The following NTN1 variants were observed in gnomAD, a reference collection of about 807,000 sequenced individuals.
The protein encoded by NTN1 is netrin-1.
In NTN1, 11 loss-of-function variants were observed where a neutral mutation model predicts 54.2. The ratio of observed to expected loss-of-function variants is 0.20; its 90% confidence interval spans 0.13 to 0.34. NTN1 has a LOEUF of 0.34. NTN1 is among the 10% of genes least tolerant of loss of function. The probability of loss-of-function intolerance (pLI) is 1.00; values close to 1 mark genes in which losing one functional copy is unlikely to be tolerated. For synonymous variants in NTN1, 371 were observed against 382.0 expected (o/e 0.97, Z 0.33); for missense variants, 740 against 893.1 (o/e 0.83, Z 2.18).
At chr17:9,213,479 TG>T (rs1905154895) in intron 5 of NTN1, among the ~76,000 whole-genome samples, 2 of 152,086 alleles carry the variant, frequency 1.3e-5, no homozygotes, top group African/African-American at 2.4e-5. Context: ...GCAGGGTGGA[TG>T]GGGTCCCAGC....
the NTN1 span, among the ~76,000 whole-genome samples, chr17:9,011,603 T>C: frequency 6.6e-6 from 1 of 152,154 alleles, no homozygotes; most frequent in Non-Finnish European, 1.5e-5. Flanking sequence ...GGGGGGCATT[T>C]TTTTTGAGAC....
intron 2 of NTN1, among the ~76,000 whole-genome samples, chr17:9,057,760 T>G (rs958779151): frequency 3.9e-5 from 6 of 152,260 alleles, no homozygotes; most frequent in Admixed American, 3.9e-4. Flanking sequence ...ACGTGGCTCC[T>G]TTAAGTGCAA....
At chr17:9,157,871 A>G (rs2092347465) in intron 2 of NTN1, among the ~76,000 whole-genome samples, 1 of 152,144 alleles carries the variant, frequency 6.6e-6, no homozygotes, top group Non-Finnish European at 1.5e-5. Context: ...GAAATCTGAT[A>G]ATGAAACTAA....
At chr17:9,089,436 A>C (rs1310875704) in intron 2 of NTN1, among the ~76,000 whole-genome samples, 1 of 151,736 alleles carries the variant, frequency 6.6e-6, no homozygotes, top group Non-Finnish European at 1.5e-5. Flanking sequence ...AAAATTAAGG[A>C]CATATGTTTT....
At chr17:9,159,303 A>C (rs1239501619) in intron 2 of NTN1, among the ~76,000 whole-genome samples, 2 of 152,252 alleles carry the variant, frequency 1.3e-5, no homozygotes, top group Non-Finnish European at 2.9e-5. Flanking sequence ...TAGTAATCAA[A>C]GACATGCAAA....
chr17:9,229,104 CTGTGAG>C lies in NTN1; in HGVS notation c.1486+7867_1486+7872del, dbSNP rs764361697. Reference sequence around the variant, plus strand: ...ACTGTGTGTGTGACTGAGACTGTGACTGTGAGTGTGTGACTGTGTTACTGTGAGTGT... The same window carrying C: ...ACTGTGTGTGTGACTGAGACTGTGACTGTGTGACTGTGTTACTGTGAGTGT... On this transcript the variant is annotated intron_variant, in intron 6 of 6. Transcript: ENST00000173229. Among the ~76,000 whole-genome samples, 54 of 46,746 alleles carry C rather than the reference CTGTGAG, an allele frequency of 1.2e-3. No homozygotes were observed. The East Asian group carries it at 0.029, about 25-fold the overall frequency. 30.7% of individuals were successfully genotyped at this position (46,746 alleles called of 152,430 possible).
chr17:9,089,297 C>T (rs2092100794), intron 2 of NTN1, among the ~76,000 whole-genome samples: 1 of 151,978 alleles, frequency 6.6e-6, no homozygotes, highest in Non-Finnish European at 1.5e-5. Flanking sequence ...CACTTGTAGT[C>T]CCAGCTACTC....
chr17:9,087,848 G>A (rs2092094690), intron 2 of NTN1, among the ~76,000 whole-genome samples: 1 of 152,238 alleles, frequency 6.6e-6, no homozygotes, highest in Non-Finnish European at 1.5e-5. Context: ...TGTGAGGGCC[G>A]TGACCTTGCA....
At chr17:9,191,191 T>G (rs1904446445) in intron 5 of NTN1, among the ~76,000 whole-genome samples, 1 of 152,248 alleles carries the variant, frequency 6.6e-6, no homozygotes, top group African/African-American at 2.4e-5. Flanking sequence ...CCGGGCGTGG[T>G]GGCTCACGCC....
At chr17:9,105,535 AGTGTT>A (rs1385175006) in intron 2 of NTN1, among the ~76,000 whole-genome samples, 2 of 152,122 alleles carry the variant, frequency 1.3e-5, no homozygotes, top group Non-Finnish European at 2.9e-5. Flanking sequence ...GGCGTTCTTC[AGTGTT>A]CATGATATTA....
chr17:9,071,660 G>A (rs897050652), intron 2 of NTN1, among the ~76,000 whole-genome samples: 1 of 152,190 alleles, frequency 6.6e-6, no homozygotes, highest in African/African-American at 2.4e-5. Context: ...GCCCATGGGC[G>A]GGAGACCCTG....
chr17:9,235,207 C>T (rs1464747743), intron 6 of NTN1, among the ~76,000 whole-genome samples: 1 of 152,016 alleles, frequency 6.6e-6, no homozygotes, highest in Non-Finnish European at 1.5e-5. Flanking sequence ...TCAGGTGATC[C>T]ACCCACCTCA....
At chr17:9,007,256 CTCTT>C in the NTN1 span, among the ~76,000 whole-genome samples, 1 of 140,728 alleles carries the variant, frequency 7.1e-6, no homozygotes, top group Non-Finnish European at 1.5e-5. Flanking sequence ...TTCCTTCCTT[CTCTT>C]TCTCTCTTTC....
Position 9,224,883 on chromosome 17 carries a change from C to CCACA in NTN1, c.1486+3643_1486+3646dup, listed in dbSNP as rs1171257151. On this transcript the variant is annotated intron_variant, in intron 6 of 6. Coordinates refer to ENST00000173229, the MANE Select transcript of NTN1 (RefSeq NM_004822.3). ...ACCACTAGCTTTCATGTCCTCCTCA[C>CCACA]CACACTCCAAGCCTGTGACTCCACA... 2.6e-5 allele frequency among the ~76,000 whole-genome samples: 4 copies of CCACA among 152,150 alleles called. No homozygotes were observed. In the East Asian group the frequency reaches 7.7e-4, roughly 29 times the overall value.
rs1567734861 is a variant in NTN1, at chr17:9,193,929, A to AAAAAAAACAAAACAAAC, written c.1411+10967_1411+10968insCAAAACAAACAAAAAAA. On this transcript the variant is annotated intron_variant, in intron 5 of 6. Transcript: ENST00000173229. Reference sequence around the variant, plus strand: ...AGAGTGAAACTCCGACTAAAAAAAAAAAAAAAAAAAAAAAACATTATGCAG... The same window carrying AAAAAAAACAAAACAAAC: ...AGAGTGAAACTCCGACTAAAAAAAAAAAAAAAACAAAACAAACAAAAAAAAAAAAAAACATTATGCAG... Among the ~76,000 whole-genome samples the AAAAAAAACAAAACAAAC allele has an allele frequency of 9.5e-5, 13 of 137,480 alleles. 1 individual carries two copies. The highest frequency in any genetic ancestry group is 3.5e-4 in the African/African-American group (13 of 36,622). The allele number at this position is 137,480 out of a possible 152,430, so 90.2% of individuals were successfully genotyped here.
chr17:9,063,701 C>G (rs757193759), intron 2 of NTN1, among the ~76,000 whole-genome samples: 7 of 152,274 alleles, frequency 4.6e-5, no homozygotes, highest in Admixed American at 2.6e-4. Flanking sequence ...GTGCCCGCCA[C>G]CACGCCTGGC....
chr17:9,012,554 C>A, the NTN1 span, among the ~76,000 whole-genome samples: 1 of 147,214 alleles, frequency 6.8e-6, no homozygotes, highest in South Asian at 2.2e-4. Context: ...AAAAAACAAG[C>A]TCTGTCTTGG....
intron 2 of NTN1, among the ~76,000 whole-genome samples, chr17:9,124,379 C>T (rs1388502514): frequency 6.6e-6 from 1 of 152,212 alleles, no homozygotes; most frequent in African/African-American, 2.4e-5. Context: ...GTGCCCTCCT[C>T]CCTCCGGCTT....
At chr17:9,228,294 G>A (rs767880900) in intron 6 of NTN1, among the ~76,000 whole-genome samples, 3 of 152,206 alleles carry the variant, frequency 2.0e-5, no homozygotes, top group Non-Finnish European at 4.4e-5. Context: ...GAGGGAGGAA[G>A]GTCTCTAAGC....
Sources: gnomAD v4.1 joint callset for allele counts (sites outside exome capture counted in the v4.1 genomes callset) on GRCh38, gnomAD v4.1.1 for gene constraint, MANE v1.5 for transcripts, NCBI Gene and HGNC (gene_info 2026-07-23, HGNC 2026-07-21) for gene names.